Variants in CTDSP1 observed in about 807,000 individuals in gnomAD.
CTDSP1 encodes CTD small phosphatase 1.
A neutral mutation model predicts 32.5 loss-of-function variants in CTDSP1; 15 were observed. The observed-to-expected ratio is 0.46, with a 90% CI of 0.31 to 0.71. CTDSP1 has a LOEUF of 0.71. Among genes scored for constraint, CTDSP1 ranks in the 30% least tolerant of loss-of-function variants. The pLI is 0.05. For synonymous variants in CTDSP1, 185 were observed against 145.4 expected, an observed-to-expected ratio of 1.27 and a Z score of -1.96; for missense variants, 294 against 351.1, an observed-to-expected ratio of 0.84 and a Z score of 1.30.
At chr2:218,401,089 G>A (rs1697112628) in intron 1 of CTDSP1, 3 of 381,288 alleles carry the variant, frequency 7.9e-6, no homozygotes, top group South Asian at 1.9e-5. Context: ...CCGCGGGACT[G>A]CACCCCTGCC....
chr2:218,399,660 C>G (rs1423897978), upstream of CTDSP1: 1 of 899,174 alleles, frequency 1.1e-6, no homozygotes, highest in African/African-American at 1.8e-5. Context: ...GCCTGCCACG[C>G]AGCCGCAGAG....
upstream of CTDSP1, chr2:218,396,791 C>CTACA (rs1257618114): frequency 6.6e-6 from 1 of 152,620 alleles, no homozygotes; most frequent in Non-Finnish European, 1.5e-5. Context: ...GTTGTACCCC[C>CTACA]TACACACCCC....
chr2:218,401,406 CAG>C (rs1240804590), intron 1 of CTDSP1, 156 bp from the exon 2 acceptor site: 86 of 753,304 alleles, frequency 1.1e-4, no homozygotes, highest in South Asian at 1.4e-4. Context: ...GGAGCCCTGA[CAG>C]GGGCGTTTCA....
Position 218,403,570 on chromosome 2 carries a change from C to T in CTDSP1, c.657+153C>T, listed in dbSNP as rs57592536. ...CATTGCCTGTGCCTGCCGCCCACTC[C>T]CCTCATCCACCTGCCCTGTAGCCAT... On this transcript the variant is annotated intron_variant, in intron 6 of 6. Transcript: ENST00000273062. 2.9e-3 allele frequency: 1,802 copies of T among 631,022 alleles called. 32 individuals are homozygous for T. In the African/African-American group the frequency reaches 0.029, roughly 10 times the overall value. 39.1% of individuals were successfully genotyped at this position (631,022 alleles called of 1,614,324 possible). A position where few individuals can be genotyped will look rare whatever the true frequency, so the allele number is the denominator to read the frequency against.
Position 218,403,073 on chromosome 2 carries a change from G to A in CTDSP1, c.417G>A (p.Leu139=), listed in dbSNP as rs1349043034. The part of the protein sequence containing the change: ...VLKRPHVDEF[L]QRMGELFECV... ...AGCGTCCTCACGTGGATGAGTTCCT[G>A]CAGCGAATGGGCGAGCTCTTTGAAT... The change falls in exon 5 of 7, where the codon CTG becomes CTA. Residue 139 remains leucine, a synonymous_variant. Coordinates refer to ENST00000273062, the MANE Select transcript of CTDSP1 (RefSeq NM_021198.3). 1.2e-6 allele frequency: 2 copies of A among 1,614,028 alleles called. No individual in the cohort carries two copies. Among genetic ancestry groups the A allele is most frequent in the East Asian group, 2.2e-5 (1 of 44,896 alleles).
rs753733033 is a variant in CTDSP1 at position 218,402,115 on chromosome 2, C to T, written c.221C>T (p.Thr74Ile). 1.2e-6 allele frequency: 2 copies of T among 1,611,280 alleles called. No individual in the cohort carries two copies. The highest frequency in any genetic ancestry group is 2.2e-5 in the East Asian group (1 of 44,854). ...VEENGAIPKQ[T>I]PVQYLLPEAK... ...CCAGCCCCGCCCTCCCTACAGCAGA[C>T]CCCAGTCCAATACCTGCTCCCTGAG... Residue 74 changes from threonine (T) to isoleucine (I), a missense_variant, in exon 3 of 7, where the codon ACC becomes ATC. Around this residue, in one of 2 missense-constraint regions of CTDSP1, gnomAD observed 148 missense variants for 113.3 expected, o/e 1.31. Transcript: ENST00000273062.
Position 218,400,128 on chromosome 2 carries a change from A to C in CTDSP1, c.38A>C (p.Glu13Ala), listed in dbSNP as rs1246677475. The C allele has an allele frequency of 3.2e-6, 5 of 1,545,360 alleles. No homozygotes were observed. The East Asian group carries it at 1.2e-4, about 38-fold the overall frequency. Reference protein sequence around the residue: ...SSAVITQISKEEARGPLRGKG... With the variant: ...SSAVITQISKAEARGPLRGKG... Reference sequence around the variant, plus strand: ...GCCGTCATTACTCAGATCAGCAAGGAGGAGGCTCGGGGCCCGCTGCGGGGC... The same window carrying C: ...GCCGTCATTACTCAGATCAGCAAGGCGGAGGCTCGGGGCCCGCTGCGGGGC... Residue 13 changes from glutamate (E) to alanine (A), a missense_variant, in exon 1 of 7, where the codon GAG (glutamate) becomes GCG (alanine). By Grantham distance (107) the Glu-to-Ala change is moderately radical (BLOSUM62 -1). This residue lies in a region of CTDSP1 where 148 missense variants were observed against 113.3 expected (regional missense o/e 1.31). Transcript: ENST00000273062.
chr2:218,399,646 C>G (rs1338830688), upstream of CTDSP1: 4 of 828,248 alleles, frequency 4.8e-6, no homozygotes, highest in Non-Finnish European at 5.8e-6. Context: ...GAGCCGGGTG[C>G]CGGGCCTGCC....
In CTDSP1 at chr2:218,401,678, C is replaced by G; in HGVS notation, c.182C>G (p.Pro61Arg). Residue 61 changes from proline (P) to arginine (R), a missense_variant, in exon 2 of 7, where the codon CCC (proline) becomes CGC (arginine). Coordinates refer to ENST00000273062, the MANE Select transcript of CTDSP1 (RefSeq NM_021198.3). ...GEALPAHSGA[P>R]LLVEENGAIP... ...GCCCTGCCTGCTCACAGCGGGGCGCCCCTGCTTGTGGAGGAGAATGGCGCC... is the reference window on the plus strand; with the variant it reads ...GCCCTGCCTGCTCACAGCGGGGCGCGCCTGCTTGTGGAGGAGAATGGCGCC... 1.2e-6 allele frequency: 2 copies of G among 1,602,292 alleles called. No individual in the cohort carries two copies. The highest frequency in any genetic ancestry group is 8.5e-7 in the Non-Finnish European group (1 of 1,174,204).
Position 218,401,708 on chromosome 2 carries a change from C to G in CTDSP1, c.212C>G (p.Pro71Arg). The G allele has an allele frequency of 1.3e-6, 2 of 1,574,018 alleles. No homozygotes were observed. The highest frequency in any genetic ancestry group is 1.7e-6 in the Non-Finnish European group (2 of 1,159,566). ...CTTGTGGAGGAGAATGGCGCCATCC[C>G]TAAGGTGCGTGGGGGCCAGGTGGGG... is the stretch of plus-strand genomic sequence containing the variant. ...PLLVEENGAIPKQTPVQYLLP... is the reference protein window; with the variant it reads ...PLLVEENGAIRKQTPVQYLLP... Residue 71 changes from proline to arginine, a missense_variant, in exon 2 of 7, where the codon CCT (proline) becomes CGT (arginine). By Grantham distance (103) the Pro-to-Arg change is moderately radical. This residue lies in a region of CTDSP1 where 148 missense variants were observed against 113.3 expected (regional missense o/e 1.31). Coordinates refer to ENST00000273062, the MANE Select transcript of CTDSP1 (RefSeq NM_021198.3).
intron 2 of CTDSP1, 151 bp downstream of exon 2, chr2:218,401,863 C>T (rs1275777025): frequency 8.7e-6 from 7 of 808,942 alleles, no homozygotes; most frequent in African/African-American, 1.7e-5. Context: ...CCAGGCCCTG[C>T]CCACTGTGGG....
chr2:218,397,864 C>T (rs1457897783), upstream of CTDSP1, among the ~76,000 whole-genome samples: 1 of 152,158 alleles, frequency 6.6e-6, no homozygotes, highest in African/African-American at 2.4e-5. Flanking sequence ...CTACCTCTGC[C>T]GCTTTGGGAG....
At position 218,402,965 on chromosome 2, in the gene CTDSP1, C is replaced by T. The variant is rs775191368; in HGVS notation, c.379-70C>T. The T allele has an allele frequency of 4.2e-6, 5 of 1,179,556 alleles. No individual in the cohort carries two copies. In the East Asian group the frequency reaches 7.2e-5, roughly 17 times the overall value. The allele number at this position is 1,179,556 out of a possible 1,614,324, so 73.1% of individuals were successfully genotyped here. A position where few individuals can be genotyped will look rare whatever the true frequency, so the allele number is the denominator to read the frequency against. ...TGCGCCTCTGCCTCCCTGGCCCATG[C>T]CCTGCCAGCCCTCGGCCACCCCCAC... is the stretch of plus-strand genomic sequence containing the variant. On this transcript the variant is annotated intron_variant, in intron 4 of 6. Transcript: ENST00000273062.
rs1005556497 is a variant in CTDSP1 at position 218,402,809 on chromosome 2, G to A, written c.379-226G>A. 8 of 693,862 alleles carry A rather than the reference G, an allele frequency of 1.2e-5. No individual in the cohort carries two copies. In the African/African-American group the frequency reaches 1.4e-4, roughly 12 times the overall value. 43.0% of individuals were successfully genotyped at this position (693,862 alleles called of 1,614,324 possible). A position where few individuals can be genotyped will look rare whatever the true frequency, so the allele number is the denominator to read the frequency against. On this transcript the variant is annotated intron_variant, in intron 4 of 6. Transcript: ENST00000273062. ...GCAGGGGAAGGGATTGGGAATTAGG[G>A]ACCTCGTGAGGTAGGACTGGCCAGT...
At position 218,404,466 on chromosome 2, in the gene CTDSP1, C is replaced by T. The variant is rs760339527; in HGVS notation, c.*41C>T. ...CAGGACCTGCCCCTGACCAATGATA[C>T]CCACACCTCCTCCCAGGAAGACTGC... is the stretch of plus-strand genomic sequence containing the variant. On this transcript the variant is annotated 3_prime_UTR_variant, in exon 7 of 7. Coordinates refer to ENST00000273062, the MANE Select transcript of CTDSP1 (RefSeq NM_021198.3). 1 of 1,607,980 alleles carries T rather than the reference C, an allele frequency of 6.2e-7. No individual in the cohort carries two copies. Among genetic ancestry groups the T allele is most frequent in the Non-Finnish European group, 8.5e-7 (1 of 1,176,234 alleles).
chr2:218,400,086 G>T lies in CTDSP1; in HGVS notation c.-5G>T. 2 of 1,470,178 alleles carry T rather than the reference G, an allele frequency of 1.4e-6. No individual in the cohort carries two copies. The highest frequency in any genetic ancestry group is 9.0e-7 in the Non-Finnish European group (1 of 1,110,690). 91.1% of individuals were successfully genotyped at this position (1,470,178 alleles called of 1,614,324 possible). A position where few individuals can be genotyped will look rare whatever the true frequency, so the allele number is the denominator to read the frequency against. ...GTCCGGCCGGAGCGGAGCGCGCCCG[G>T]CCCCATGGACAGCTCGGCCGTCATT... On this transcript the variant is annotated 5_prime_UTR_variant, in exon 1 of 7. Transcript: ENST00000273062.
At chr2:218,401,338 C>A (rs1205777842) in intron 1 of CTDSP1, 1 of 587,664 alleles carries the variant, frequency 1.7e-6, no homozygotes, top group Non-Finnish European at 3.0e-6. Context: ...TATGTGGGCG[C>A]CTTAATACCT....
upstream of CTDSP1, chr2:218,397,008 G>C (rs1205376025): frequency 1.3e-5 from 2 of 153,040 alleles, no homozygotes; most frequent in Non-Finnish European, 2.9e-5. Context: ...TTGCTGAAGG[G>C]GGGGTCGGCG....
rs946654283 is a variant in CTDSP1, at chr2:218,404,763, G to C, written c.*338G>C. The stretch of plus-strand genomic sequence containing the variant: ...GGGCCCCTTGGCCCCTTCCGGTTCT[G>C]CTTCCTGGGGGCAGGGTTCCTGCCT... On this transcript the variant is annotated 3_prime_UTR_variant, in exon 7 of 7. Coordinates refer to ENST00000273062, the MANE Select transcript of CTDSP1 (RefSeq NM_021198.3). The C allele has an allele frequency of 1.2e-4, 28 of 228,596 alleles. No individual in the cohort carries two copies. The highest frequency in any genetic ancestry group is 5.0e-4 in the African/African-American group (22 of 44,036). 14.2% of individuals were successfully genotyped at this position (228,596 alleles called of 1,614,324 possible).
Sources: allele counts gnomAD v4.1 joint callset (sites outside exome capture counted in the v4.1 genomes callset), GRCh38; gene constraint gnomAD v4.1.1; regional missense constraint gnomAD v4.1.1; transcripts MANE v1.5; gene names NCBI Gene and HGNC (gene_info 2026-07-23, HGNC 2026-07-21).